RGMA: variants seen among roughly 807,000 people sequenced by gnomAD.
The protein encoded by RGMA is repulsive guidance molecule A.
Under a neutral mutation model 23.2 loss-of-function variants are expected in RGMA, and 10 were observed. The ratio of observed to expected loss-of-function variants is 0.43; its 90% CI spans 0.27 to 0.73. The LOEUF is 0.73. Among genes scored for constraint, RGMA ranks in the 30% least tolerant of loss-of-function variants. The probability of loss-of-function intolerance (pLI) is 0.20; values close to 1 mark genes in which losing one functional copy is unlikely to be tolerated. For synonymous variants in RGMA, 308 were observed against 279.3 expected (o/e 1.10, Z -1.03); for missense variants, 547 against 630.5 (o/e 0.87, Z 1.42).
intron 1 of RGMA, among the ~76,000 whole-genome samples, chr15:93,079,606 G>A (rs1203718513): frequency 6.6e-6 from 1 of 152,162 alleles, no homozygotes; most frequent in East Asian, 1.9e-4. Flanking sequence ...GATTACCTGA[G>A]GTCAGGAGTT....
chr15:93,042,665 C>T lies in RGMA; in HGVS notation c.*2333G>A, dbSNP rs2054739475. 1.3e-5 allele frequency: 2 copies of T among 152,240 alleles called. No individual in the cohort carries two copies. The highest frequency in any genetic ancestry group is 2.9e-5 in the Non-Finnish European group (2 of 68,074). 9.4% of individuals were successfully genotyped at this position (152,240 alleles called of 1,614,324 possible). A position where few individuals can be genotyped will look rare whatever the true frequency, so the allele number is the denominator to read the frequency against. Reference sequence around the variant, plus strand: ...GTTGTCCTTCCCGTTGCTAAGGAGCCCTAGGCAAGTCAGTTAATCTCAGAG... The same window carrying T: ...GTTGTCCTTCCCGTTGCTAAGGAGCTCTAGGCAAGTCAGTTAATCTCAGAG... On this transcript the variant is annotated 3_prime_UTR_variant, in exon 4 of 4. Transcript: ENST00000329082.
chr15:93,045,387 T>G lies in RGMA; in HGVS notation c.964A>C (p.Asn322His). 1.2e-6 allele frequency: 2 copies of G among 1,611,406 alleles called. No individual in the cohort carries two copies. The highest frequency in any genetic ancestry group is 1.7e-5 in the Admixed American group (1 of 59,890). Residue 322 changes from asparagine to histidine, a missense_variant, in exon 4 of 4, where the codon AAC (asparagine) becomes CAC (histidine). Transcript: ENST00000329082. The surrounding 1 kb of genome is among the most constrained non-coding windows in gnomAD (Gnocchi z 6.9). ...LYLCLRGCPL[N>H]QQIDFQAFHT... Reference sequence around the variant, plus strand: ...AAGGCCTGGAAGTCGATCTGCTGGTTGAGGGGGCAGCCCCGCAGGCAGAGG... The same window carrying G: ...AAGGCCTGGAAGTCGATCTGCTGGTGGAGGGGGCAGCCCCGCAGGCAGAGG...
intron 3 of RGMA, among the ~76,000 whole-genome samples, chr15:93,046,630 CAAAG>C (rs1011380964): frequency 1.3e-5 from 2 of 152,054 alleles, no homozygotes; most frequent in Non-Finnish European, 2.9e-5. Context: ...AAATGATGCT[CAAAG>C]AAAGAATGAA....
chr15:93,059,879 G>A (rs1167803942), intron 2 of RGMA, among the ~76,000 whole-genome samples: 1 of 152,196 alleles, frequency 6.6e-6, no homozygotes, highest in African/African-American at 2.4e-5. Context: ...ATAAACCTTA[G>A]ACTTTTCTGA....
At chr15:93,053,850 G>C (rs1345219954) in intron 2 of RGMA, among the ~76,000 whole-genome samples, 1 of 152,222 alleles carries the variant, frequency 6.6e-6, no homozygotes, top group Non-Finnish European at 1.5e-5. Context: ...CATACTGCCA[G>C]TAACAAGGTA....
chr15:93,047,154 G>A (rs1399115324), intron 3 of RGMA, among the ~76,000 whole-genome samples: 4 of 152,214 alleles, frequency 2.6e-5, no homozygotes. Flanking sequence ...CCCATAGGGT[G>A]GGAGGCCTGA....
rs2141853661 is a variant in RGMA at position 93,089,127 on chromosome 15, A to G, written c.-195T>C. 5.9e-6 allele frequency: 2 copies of G among 341,236 alleles called. No individual in the cohort carries two copies. Among genetic ancestry groups the G allele is most frequent in the Non-Finnish European group, 1.0e-5 (2 of 190,504 alleles). The allele number at this position is 341,236 out of a possible 1,614,324, so 21.1% of individuals were successfully genotyped here. ...CTGCATGCCTGCGAGCGCCTGGCGG[A>G]GCCGGCCCGGGAGCGAACGGCCAGT... On this transcript the variant is annotated 5_prime_UTR_variant, in exon 1 of 4. Transcript: ENST00000329082.
At chr15:93,059,046 C>T (rs561009291) in intron 2 of RGMA, among the ~76,000 whole-genome samples, 31 of 152,288 alleles carry the variant, frequency 2.0e-4, no homozygotes, top group Non-Finnish European at 3.5e-4. Flanking sequence ...GAATTTTGAT[C>T]GTCATTTTGC....
chr15:93,061,228 C>T (rs1481217021), intron 2 of RGMA, among the ~76,000 whole-genome samples: 2 of 152,224 alleles, frequency 1.3e-5, no homozygotes, highest in African/African-American at 2.4e-5. Flanking sequence ...GACCTTGGCT[C>T]ACACAACCTC....
At chr15:93,082,083 G>A (rs367729499) in intron 1 of RGMA, among the ~76,000 whole-genome samples, 115 of 152,356 alleles carry the variant, frequency 7.5e-4, no homozygotes, top group African/African-American at 2.6e-3. Flanking sequence ...AGGATTAAAT[G>A]AGTCAATACA....
chr15:93,051,844 G>A (rs972081780), intron 3 of RGMA, 149 bp downstream of exon 3: 25 of 803,160 alleles, frequency 3.1e-5, no homozygotes, highest in African/African-American at 5.2e-5. Context: ...CCACCCCCTT[G>A]GGATGCTCAG....
Position 93,072,975 on chromosome 15 carries a change from C to T in RGMA, c.71G>A (p.Gly24Glu), listed in dbSNP as rs1229891528. The T allele has an allele frequency of 1.4e-5, 22 of 1,611,700 alleles. No individual in the cohort carries two copies. The highest frequency in any genetic ancestry group is 1.7e-5 in the Admixed American group (1 of 59,862). ...AGWMGMGRGAGRSALGFWPTL... is the reference protein window; with the variant it reads ...AGWMGMGRGAERSALGFWPTL... ...CGGCCAGAATCCCAGGGCTGAACGT[C>T]CTGCCCCTCTCCCCATACCCATCCA... is the stretch of plus-strand genomic sequence containing the variant. The change falls in exon 2 of 4, where the codon GGA becomes GAA. Residue 24 changes from glycine (G) to glutamate (E), a missense_variant. Physicochemically the swap from Gly to Glu is moderately conservative, Grantham distance 98 (BLOSUM62 -2). Transcript: ENST00000329082.
intron 2 of RGMA, among the ~76,000 whole-genome samples, chr15:93,055,785 T>C (rs1013676761): frequency 6.6e-6 from 1 of 152,108 alleles, no homozygotes; most frequent in Non-Finnish European, 1.5e-5. Flanking sequence ...GACGGCAGGG[T>C]CAGACTGGTG....
chr15:93,043,437 C>T lies in RGMA; in HGVS notation c.*1561G>A, dbSNP rs962017150. The T allele has an allele frequency of 1.3e-5, 2 of 152,536 alleles. No individual in the cohort carries two copies. The highest frequency in any genetic ancestry group is 4.8e-5 in the African/African-American group (2 of 41,460). The allele number at this position is 152,536 out of a possible 1,614,324, so 9.4% of individuals were successfully genotyped here. ...AAAATAACAAAAAAACCAAACTTTA[C>T]TTGCATTTAGCCATTAATAAATAAT... On this transcript the variant is annotated 3_prime_UTR_variant, in exon 4 of 4. Coordinates refer to ENST00000329082, the MANE Select transcript of RGMA (RefSeq NM_020211.3).
intron 1 of RGMA, among the ~76,000 whole-genome samples, chr15:93,081,342 A>G (rs928073995): frequency 1.3e-5 from 2 of 152,200 alleles, no homozygotes; most frequent in African/African-American, 4.8e-5. Flanking sequence ...CCAAGTTAAA[A>G]TGTGGCCAAG....
intron 2 of RGMA, among the ~76,000 whole-genome samples, chr15:93,069,727 G>A (rs1037334878): frequency 6.6e-6 from 1 of 152,192 alleles, no homozygotes; most frequent in East Asian, 1.9e-4. Flanking sequence ...GGTGGGCCTA[G>A]AACTTGCATT....
chr15:93,052,021 G>A lies in RGMA; in HGVS notation c.617C>T (p.Pro206Leu). 1 of 1,608,964 alleles carries A rather than the reference G, an allele frequency of 6.2e-7. No individual in the cohort carries two copies. Reference protein sequence around the residue: ...NVQVTNTPVLPGSAATATSKL... With the variant: ...NVQVTNTPVLLGSAATATSKL... ...GCTGGTGGCAGTGGCCGCTGAGCCG[G>A]GCAGCACAGGCGTGTTGGTGACCTG... The change falls in exon 3 of 4, where the codon CCC becomes CTC. Residue 206 changes from proline (P) to leucine (L), a missense_variant. Physicochemically the swap from Pro to Leu is moderately conservative, Grantham distance 98 (BLOSUM62 -3). Around this residue, in one of 3 missense-constraint regions of RGMA, gnomAD observed 128 missense variants for 191.7 expected, o/e 0.67. Transcript: ENST00000329082.
intron 2 of RGMA, among the ~76,000 whole-genome samples, chr15:93,053,224 G>C (rs1292451596): frequency 6.6e-6 from 1 of 152,206 alleles, no homozygotes; most frequent in Non-Finnish European, 1.5e-5. Flanking sequence ...CACAAGCTTT[G>C]AGACTTTAGT....
rs2054801725 is a variant in RGMA at position 93,045,227 on chromosome 15, T to A, written c.1124A>T (p.Tyr375Phe). 3.1e-6 allele frequency: 5 copies of A among 1,612,604 alleles called. No individual in the cohort carries two copies. The highest frequency in any genetic ancestry group is 4.2e-6 in the Non-Finnish European group (5 of 1,179,568). Residue 375 changes from tyrosine to phenylalanine, a missense_variant, in exon 4 of 4, where the codon TAC (tyrosine) becomes TTC (phenylalanine). By Grantham distance (22) the Tyr-to-Phe change is conservative. Around this residue, in one of 3 missense-constraint regions of RGMA, gnomAD observed 205 missense variants for 204.1 expected, o/e 1.00. Transcript: ENST00000329082. The surrounding 1 kb of genome is among the most constrained non-coding windows in gnomAD (Gnocchi z 6.9). ...KEKLPVEDLY[Y>F]QACVFDLLTT... ...GAGGAGGTCGAAGACGCAGGCCTGG[T>A]AGTACAGGTCCTCCACCGGCAGCTT...
Sources: allele counts gnomAD v4.1 joint callset (sites outside exome capture counted in the v4.1 genomes callset), GRCh38; gene constraint gnomAD v4.1.1; regional missense constraint gnomAD v4.1.1; non-coding constraint Gnocchi (gnomAD v3.1); transcripts MANE v1.5; gene names NCBI Gene and HGNC (gene_info 2026-07-23, HGNC 2026-07-21).